The following THSD7B variants were observed in gnomAD, a reference collection of about 807,000 sequenced individuals.
THSD7B encodes thrombospondin type-1 domain-containing protein 7B.
A neutral mutation model predicts 213.6 loss-of-function variants in THSD7B; 138 were observed. The observed-to-expected ratio is 0.65, with a 90% CI of 0.56 to 0.74. THSD7B has a LOEUF of 0.74. Ranked by LOEUF, THSD7B falls within the 30% of genes least tolerant of loss-of-function variation. The pLI is 0.00. For missense variants in THSD7B, 1,931 were observed against 1,991.5 expected (o/e 0.97, Z 0.58); for synonymous variants, 742 against 687.0 (o/e 1.08, Z -1.25).
intron 14 of THSD7B, among the ~76,000 whole-genome samples, chr2:137,438,613 C>T (rs902408572): frequency 9.2e-5 from 14 of 151,952 alleles, no homozygotes; most frequent in Non-Finnish European, 1.2e-4. Context: ...ATAGTCCCTG[C>T]GATGGTTGAT....
At chr2:137,188,146 GA>G (rs1422025843) in intron 7 of THSD7B, among the ~76,000 whole-genome samples, 1 of 152,144 alleles carries the variant, frequency 6.6e-6, no homozygotes, top group Admixed American at 6.5e-5. Context: ...CAAGATGTAA[GA>G]GCTAAAAGAA....
intron 5 of THSD7B, among the ~76,000 whole-genome samples, chr2:137,128,884 AC>A (rs1268279315): frequency 6.6e-6 from 1 of 152,152 alleles, no homozygotes; most frequent in Non-Finnish European, 1.5e-5. Flanking sequence ...TCCTATAAGA[AC>A]CTTTTTCCAA....
chr2:137,597,333 G>A (rs1026244436), intron 17 of THSD7B, among the ~76,000 whole-genome samples: 2 of 151,866 alleles, frequency 1.3e-5, no homozygotes, highest in East Asian at 3.9e-4. Flanking sequence ...CAGGCCAGAT[G>A]TCCTGATCTT....
intron 2 of THSD7B, among the ~76,000 whole-genome samples, chr2:137,043,001 G>A (rs1686909123): frequency 6.6e-6 from 1 of 152,182 alleles, no homozygotes; most frequent in Non-Finnish European, 1.5e-5. Context: ...GGGTAATGAG[G>A]ATAGATTTTC....
At chr2:137,624,355 G>T (rs536056726) in intron 20 of THSD7B, among the ~76,000 whole-genome samples, 3 of 152,252 alleles carry the variant, frequency 2.0e-5, no homozygotes, top group African/African-American at 7.2e-5. Flanking sequence ...TTAAATGTTA[G>T]ACCTAAAACC....
At chr2:137,088,667 G>A (rs1218122744) in intron 3 of THSD7B, among the ~76,000 whole-genome samples, 1 of 149,850 alleles carries the variant, frequency 6.7e-6, no homozygotes, top group African/African-American at 2.4e-5. Context: ...CATGGCAATA[G>A]GAACCATCAG....
chr2:137,452,465 T>A (rs1243938300), intron 15 of THSD7B, among the ~76,000 whole-genome samples: 1 of 152,146 alleles, frequency 6.6e-6, no homozygotes, highest in Non-Finnish European at 1.5e-5. Flanking sequence ...AAATACTCTG[T>A]ATGGAGACTA....
intron 15 of THSD7B, among the ~76,000 whole-genome samples, chr2:137,515,404 C>A (rs1680048957): frequency 6.6e-6 from 1 of 152,146 alleles, no homozygotes; most frequent in African/African-American, 2.4e-5. Context: ...AATATTGATT[C>A]TCCTCAGGAC....
chr2:137,394,345 G>A lies in THSD7B; in HGVS notation c.2501-11268G>A, dbSNP rs1470323543. On this transcript the variant is annotated intron_variant, in intron 12 of 27. Coordinates refer to ENST00000409968, the MANE Select transcript of THSD7B (RefSeq NM_001316349.2). ...TCTTGAATTGATTTTTGTATAAGGT[G>A]TAAGGAAGGGATCCAGTTTCATCTT... is the stretch of plus-strand genomic sequence containing the variant. Among the ~76,000 whole-genome samples the A allele has an allele frequency of 6.2e-5, 8 of 129,248 alleles. 1 individual carries two copies. Among genetic ancestry groups the A allele is most frequent in the Non-Finnish European group, 1.0e-4 (6 of 58,882 alleles). The allele number at this position is 129,248 out of a possible 152,430, so 84.8% of individuals were successfully genotyped here. A position where few individuals can be genotyped will look rare whatever the true frequency, so the allele number is the denominator to read the frequency against.
In THSD7B at chr2:137,135,981, G is replaced by C. The variant is rs558503790; in HGVS notation, c.1369+20688G>C. Among the ~76,000 whole-genome samples, 158 of 149,832 alleles carry C rather than the reference G, an allele frequency of 1.1e-3. 1 individual carries two copies. The highest frequency in any genetic ancestry group is 3.7e-3 in the African/African-American group (153 of 40,998). On this transcript the variant is annotated intron_variant, in intron 5 of 27. Coordinates refer to ENST00000409968, the MANE Select transcript of THSD7B (RefSeq NM_001316349.2). ...GGAATATTATGCAGCCATAAAAAAGGATGCGTGCATGTCCTTTTCAGGGAC... is the reference window on the plus strand; with the variant it reads ...GGAATATTATGCAGCCATAAAAAAGCATGCGTGCATGTCCTTTTCAGGGAC...
At chr2:137,213,416 C>G (rs2105036337) in intron 7 of THSD7B, among the ~76,000 whole-genome samples, 1 of 147,378 alleles carries the variant, frequency 6.8e-6, no homozygotes, top group Non-Finnish European at 1.5e-5. Flanking sequence ...TTAGTATTAA[C>G]TAACCTACAT....
chr2:137,356,596 T>C (rs1270373617), intron 12 of THSD7B, among the ~76,000 whole-genome samples: 1 of 152,196 alleles, frequency 6.6e-6, no homozygotes, highest in African/African-American at 2.4e-5. Context: ...TTGGTAATCA[T>C]GACACAAGCC....
At chr2:137,394,539 G>A (rs1160434826) in intron 12 of THSD7B, among the ~76,000 whole-genome samples, 1 of 135,794 alleles carries the variant, frequency 7.4e-6, no homozygotes, top group Non-Finnish European at 1.6e-5. Context: ...TTTGGTACCA[G>A]TACCATGCTG....
chr2:137,173,809 G>T lies in THSD7B; in HGVS notation c.1723+2871G>T, dbSNP rs542117825. 3.0e-4 allele frequency among the ~76,000 whole-genome samples: 46 copies of T among 152,258 alleles called. No individual in the cohort carries two copies. In the South Asian group the frequency reaches 7.2e-3, roughly 24 times the overall value. On this transcript the variant is annotated intron_variant, in intron 7 of 27. Coordinates refer to ENST00000409968, the MANE Select transcript of THSD7B (RefSeq NM_001316349.2). ...CTGGGTGATTGATGATAGAAGTTTGGCAGAGAAGTGCTCCTGTTTGACTCC... is the reference window on the plus strand; with the variant it reads ...CTGGGTGATTGATGATAGAAGTTTGTCAGAGAAGTGCTCCTGTTTGACTCC...
intron 2 of THSD7B, among the ~76,000 whole-genome samples, chr2:136,940,265 C>T (rs1319303963): frequency 6.6e-6 from 1 of 152,058 alleles, no homozygotes; most frequent in Admixed American, 6.6e-5. Context: ...TAAGTTAGAA[C>T]ATGTGGTATT....
chr2:137,481,559 C>T (rs1163482847), intron 15 of THSD7B, among the ~76,000 whole-genome samples: 5 of 152,226 alleles, frequency 3.3e-5, no homozygotes, highest in Non-Finnish European at 2.9e-5. Flanking sequence ...AAAGTTTAGG[C>T]TTTGCAGACC....
intron 2 of THSD7B, among the ~76,000 whole-genome samples, chr2:137,047,184 C>A (rs1361827085): frequency 6.6e-6 from 1 of 152,048 alleles, no homozygotes; most frequent in Non-Finnish European, 1.5e-5. Context: ...CAATGGTCTG[C>A]GCCAAGGTTG....
At chr2:136,813,639 A>G (rs1048297787) in intron 1 of THSD7B, among the ~76,000 whole-genome samples, 4 of 136,582 alleles carry the variant, frequency 2.9e-5, no homozygotes, top group Non-Finnish European at 6.9e-5. Context: ...GTGCTATTCT[A>G]TCATTTTTTT....
chr2:137,168,312 A>G (rs940363104), intron 6 of THSD7B, among the ~76,000 whole-genome samples: 1 of 152,214 alleles, frequency 6.6e-6, no homozygotes, highest in African/African-American at 2.4e-5. Context: ...AATGAAAGTG[A>G]TTGGTTGGCT....
Sources: gnomAD v4.1 joint callset for allele counts (sites outside exome capture counted in the v4.1 genomes callset) on GRCh38, gnomAD v4.1.1 for gene constraint, MANE v1.5 for transcripts, NCBI Gene and HGNC (gene_info 2026-07-23, HGNC 2026-07-21) for gene names.